The following WWOX variants were observed in gnomAD, a reference collection of about 807,000 sequenced individuals.
WWOX encodes the protein WW domain-containing oxidoreductase.
WWOX carries 69 observed loss-of-function variants against 46.2 expected under a neutral mutation model. That is an observed-to-expected ratio of 1.49 (90% CI 1.23 to 1.82). WWOX has a LOEUF of 1.82. Among genes scored for constraint, WWOX ranks in the 40% most tolerant of loss-of-function variants. WWOX has a pLI of 0.00. For synonymous variants in WWOX, 359 were observed against 202.6 expected, an observed-to-expected ratio of 1.77 and a Z score of -6.56; for missense variants, 919 against 542.6, an observed-to-expected ratio of 1.69 and a Z score of -6.89.
chr16:78,756,296 G>A (rs757265553), intron 8 of WWOX, among the ~76,000 whole-genome samples: 1 of 151,910 alleles, frequency 6.6e-6, no homozygotes, highest in African/African-American at 2.4e-5. Context: ...GTCAAAACTG[G>A]GTTTATCTAA....
chr16:78,920,158 C>T (rs1054161950), intron 8 of WWOX, among the ~76,000 whole-genome samples: 3 of 152,090 alleles, frequency 2.0e-5, no homozygotes, highest in Non-Finnish European at 2.9e-5. Flanking sequence ...TGGTCTTCTC[C>T]ATGCCAGGAT....
At chr16:78,487,709 C>T (rs1042566080) in intron 8 of WWOX, among the ~76,000 whole-genome samples, 1 of 152,128 alleles carries the variant, frequency 6.6e-6, no homozygotes, top group African/African-American at 2.4e-5. Flanking sequence ...AACATGTCTC[C>T]AGATGTTGGC....
At chr16:79,096,304 G>T (rs963987554) in intron 8 of WWOX, among the ~76,000 whole-genome samples, 1 of 152,048 alleles carries the variant, frequency 6.6e-6, no homozygotes, top group Non-Finnish European at 1.5e-5. Flanking sequence ...TTCTGAAGGC[G>T]TCCCCTGTTA....
At chr16:79,055,849 G>C (rs1053896226) in intron 8 of WWOX, among the ~76,000 whole-genome samples, 44 of 152,176 alleles carry the variant, frequency 2.9e-4, no homozygotes, top group Admixed American at 3.3e-4. Context: ...TGTAGATGTT[G>C]AGGACTAAGC....
intron 8 of WWOX, among the ~76,000 whole-genome samples, chr16:79,021,673 G>A (rs1391162803): frequency 6.6e-6 from 1 of 152,150 alleles, no homozygotes; most frequent in Non-Finnish European, 1.5e-5. Flanking sequence ...CTTCTCACAC[G>A]ATCGCAGTGC....
chr16:78,673,292 G>A (rs2047511051), intron 8 of WWOX, among the ~76,000 whole-genome samples: 1 of 152,206 alleles, frequency 6.6e-6, no homozygotes, highest in African/African-American at 2.4e-5. Context: ...ACTAGCCTTA[G>A]AGAGAGGATG....
At chr16:78,402,407 T>A (rs2082434802) in intron 6 of WWOX, among the ~76,000 whole-genome samples, 1 of 152,254 alleles carries the variant, frequency 6.6e-6, no homozygotes, top group African/African-American at 2.4e-5. Context: ...TTCCTACTTT[T>A]TGGCTACTGT....
intron 8 of WWOX, among the ~76,000 whole-genome samples, chr16:79,109,583 G>A (rs936474143): frequency 6.6e-6 from 1 of 152,116 alleles, no homozygotes; most frequent in South Asian, 2.1e-4. Flanking sequence ...TGTAAGGCAG[G>A]CATAAACAAG....
intron 8 of WWOX, among the ~76,000 whole-genome samples, chr16:78,629,387 T>G (rs1421016590): frequency 6.6e-6 from 1 of 152,134 alleles, no homozygotes; most frequent in Non-Finnish European, 1.5e-5. Flanking sequence ...TCAGTAAGAT[T>G]TCTCACTGGC....
chr16:78,604,728 TC>T (rs1190613297), intron 8 of WWOX, among the ~76,000 whole-genome samples: 8 of 3,498 alleles, frequency 2.3e-3, no homozygotes, highest in Non-Finnish European at 3.9e-3. Context: ...CCTCCCTCCT[TC>T]CCCCCTCCCT....
intron 6 of WWOX, among the ~76,000 whole-genome samples, chr16:78,397,769 C>T (rs1478119069): frequency 6.6e-6 from 1 of 152,216 alleles, no homozygotes; most frequent in Non-Finnish European, 1.5e-5. Flanking sequence ...AGGTGATCCG[C>T]CCACCTCAAC....
chr16:78,927,752 C>T (rs939898431), intron 8 of WWOX, among the ~76,000 whole-genome samples: 2 of 152,152 alleles, frequency 1.3e-5, no homozygotes, highest in Non-Finnish European at 2.9e-5. Flanking sequence ...TTTTTAGTTT[C>T]GTTTCATTGC....
chr16:79,151,400 T>C (rs2050275828), intron 8 of WWOX, among the ~76,000 whole-genome samples: 1 of 152,088 alleles, frequency 6.6e-6, no homozygotes, highest in Non-Finnish European at 1.5e-5. Context: ...ACATGAAGAG[T>C]ATGTGCGCCT....
chr16:78,429,893 T>C (rs1326846071), intron 7 of WWOX, among the ~76,000 whole-genome samples: 2 of 152,144 alleles, frequency 1.3e-5, no homozygotes, highest in Non-Finnish European at 2.9e-5. Flanking sequence ...TATGTATCCG[T>C]GGATGAATCA....
chr16:78,349,590 C>T (rs773464533), intron 5 of WWOX, among the ~76,000 whole-genome samples: 1 of 120,540 alleles, frequency 8.3e-6, no homozygotes, highest in Non-Finnish European at 2.0e-5. Flanking sequence ...GCCACCTTCA[C>T]AGCCTTGCCA....
chr16:78,413,539 G>T (rs563500173), intron 6 of WWOX, among the ~76,000 whole-genome samples: 2 of 152,102 alleles, frequency 1.3e-5, no homozygotes, highest in Admixed American at 1.3e-4. Flanking sequence ...TACAAAGTAC[G>T]TTGATCAGTT....
intron 8 of WWOX, among the ~76,000 whole-genome samples, chr16:78,957,067 TC>T (rs1364876808): frequency 6.6e-6 from 1 of 152,168 alleles, no homozygotes; most frequent in African/African-American, 2.4e-5. Context: ...TTCTATATCA[TC>T]CTTTGTGTCT....
intron 8 of WWOX, among the ~76,000 whole-genome samples, chr16:79,133,601 G>C (rs967528518): frequency 1.3e-5 from 2 of 152,144 alleles, no homozygotes; most frequent in African/African-American, 4.8e-5. Context: ...CAGTCTTTTT[G>C]AAGATGTAGA....
chr16:78,429,179 G>A (rs1230712579), intron 7 of WWOX, among the ~76,000 whole-genome samples: 1 of 152,176 alleles, frequency 6.6e-6, no homozygotes, highest in East Asian at 1.9e-4. Context: ...GGAATCAGGT[G>A]ATCAATTGAC....
Sources: gnomAD v4.1 joint callset for allele counts (sites outside exome capture counted in the v4.1 genomes callset) on GRCh38, gnomAD v4.1.1 for gene constraint, MANE v1.5 for transcripts, NCBI Gene and HGNC (gene_info 2026-07-23, HGNC 2026-07-21) for gene names.